The following TMEM165 variants were observed in gnomAD, a reference collection of about 807,000 sequenced individuals.
TMEM165 encodes putative divalent cation/proton antiporter TMEM165.
In TMEM165, 19 loss-of-function variants were observed where a neutral mutation model predicts 30.0. The observed-to-expected ratio is 0.63, with a 90% CI of 0.44 to 0.93. The LOEUF is 0.93. Among genes scored for constraint, TMEM165 ranks in the 40% least tolerant of loss-of-function variants. TMEM165 has a pLI of 0.00. For synonymous variants in TMEM165, 168 were observed against 162.9 expected, an observed-to-expected ratio of 1.03 and a Z score of -0.24; for missense variants, 340 against 417.0, an observed-to-expected ratio of 0.82 and a Z score of 1.61.
intron 4 of TMEM165, 197 bp from the exon 5 acceptor site, chr4:55,424,341 C>G: frequency 1.9e-6 from 1 of 521,370 alleles, no homozygotes; most frequent in Non-Finnish European, 3.4e-6. Flanking sequence ...ACTTTTAGGT[C>G]TAGTCTTAAG....
chr4:55,412,462 A>G (rs1578236813), intron 2 of TMEM165, among the ~76,000 whole-genome samples: 2 of 151,400 alleles, frequency 1.3e-5, no homozygotes, highest in African/African-American at 4.8e-5. Flanking sequence ...GTGACTCTAA[A>G]TACCATTAGT....
chr4:55,438,262 T>C (rs367600679), intron 3 of TMEM165: 2 of 1,613,850 alleles, frequency 1.2e-6, no homozygotes, highest in Non-Finnish European at 1.7e-6. Flanking sequence ...TTGAAGCAGC[T>C]TCCCCATGGG....
At chr4:55,420,320 C>T (rs755269397) in intron 4 of TMEM165, among the ~76,000 whole-genome samples, 7 of 150,834 alleles carry the variant, frequency 4.6e-5, no homozygotes, top group Non-Finnish European at 8.9e-5. Flanking sequence ...TTTCTCTCTA[C>T]TCTGTGGCAT....
downstream of TMEM165, among the ~76,000 whole-genome samples, chr4:55,427,477 G>C (rs1722271769): frequency 6.6e-6 from 1 of 151,528 alleles, no homozygotes; most frequent in Non-Finnish European, 1.5e-5. Flanking sequence ...CAAGTTGCAG[G>C]GATTATAGGT....
At chr4:55,400,347 TATTATATTAATATAATTA>T (rs1720939372) in intron 1 of TMEM165, among the ~76,000 whole-genome samples, 1 of 88,150 alleles carries the variant, frequency 1.1e-5, no homozygotes, top group African/African-American at 3.9e-5. Context: ...ATATTAATTA[TATTATATTAATATAATTA>T]ATTATATTAA....
intron 3 of TMEM165, chr4:55,448,843 G>A (rs1724171257): frequency 6.2e-7 from 1 of 1,613,804 alleles, no homozygotes; most frequent in Non-Finnish European, 8.5e-7. Flanking sequence ...TGTTAATGAT[G>A]AACCAACAGA....
chr4:55,441,815 T>C (rs1381731586), intron 3 of TMEM165, among the ~76,000 whole-genome samples: 1 of 152,160 alleles, frequency 6.6e-6, no homozygotes, highest in Non-Finnish European at 1.5e-5. Context: ...TTATAGATGG[T>C]TGTTTTTCCA....
chr4:55,442,820 A>G (rs191746954), intron 3 of TMEM165, among the ~76,000 whole-genome samples: 35 of 152,260 alleles, frequency 2.3e-4, no homozygotes, highest in Non-Finnish European at 4.4e-4. Context: ...TTAGTCTTGA[A>G]TATCTTGCTG....
chr4:55,429,625 A>G (rs1722381515), downstream of TMEM165: 1 of 152,214 alleles, frequency 6.6e-6, no homozygotes, highest in Admixed American at 6.5e-5. Context: ...GACAGCCATT[A>G]AAAGATGCTA....
chr4:55,447,910 T>C lies in TMEM165; in HGVS notation c.409-4329T>C, dbSNP rs1400201373. 3.9e-5 allele frequency among the ~76,000 whole-genome samples: 6 copies of C among 152,336 alleles called. No homozygotes were observed. The East Asian group carries it at 1.2e-3, about 29-fold the overall frequency. ...TTCTCCATAGTATTTTTAATGTGTT[T>C]GAGGCACTGAATGAGTACAGAGTCA... is the stretch of plus-strand genomic sequence containing the variant. On this transcript the variant is annotated intron_variant, in intron 3 of 3. Transcript: ENST00000608091.
chr4:55,447,533 G>A (rs1364007200), intron 3 of TMEM165, among the ~76,000 whole-genome samples: 1 of 152,122 alleles, frequency 6.6e-6, no homozygotes, highest in African/African-American at 2.4e-5. Flanking sequence ...ATAACAGGAA[G>A]TAAAACCACA....
At chr4:55,446,106 T>A (rs1192520230) in intron 3 of TMEM165, among the ~76,000 whole-genome samples, 1 of 148,860 alleles carries the variant, frequency 6.7e-6, no homozygotes, top group African/African-American at 2.5e-5. Flanking sequence ...AACTTCTTTT[T>A]TTTTTTTTTT....
At chr4:55,403,518 T>TCAC (rs1721133098) in intron 1 of TMEM165, among the ~76,000 whole-genome samples, 1 of 145,822 alleles carries the variant, frequency 6.9e-6, no homozygotes, top group African/African-American at 2.5e-5. Flanking sequence ...TTTTTACAAT[T>TCAC]TTTACATTTG....
At chr4:55,420,936 G>T (rs373369331) in intron 4 of TMEM165, among the ~76,000 whole-genome samples, 1 of 151,734 alleles carries the variant, frequency 6.6e-6, no homozygotes, top group Non-Finnish European at 1.5e-5. Context: ...GGTGGCTCAC[G>T]CGTTTAATCC....
chr4:55,444,834 C>T (rs775521266), intron 3 of TMEM165: 1 of 1,570,612 alleles, frequency 6.4e-7, no homozygotes, highest in Admixed American at 1.8e-5. Flanking sequence ...GAATTACTTA[C>T]TCCTTATAAT....
chr4:55,413,015 T>C (rs950798166), intron 2 of TMEM165, among the ~76,000 whole-genome samples: 3 of 152,068 alleles, frequency 2.0e-5, no homozygotes, highest in African/African-American at 7.2e-5. Flanking sequence ...AGTCTTGCTC[T>C]ATCACTCAGG....
At chr4:55,436,353 C>T (rs557992318) in intron 3 of TMEM165, among the ~76,000 whole-genome samples, 1 of 152,260 alleles carries the variant, frequency 6.6e-6, no homozygotes, top group African/African-American at 2.4e-5. Context: ...CTGCCATTTA[C>T]ATAAGTAAGC....
At chr4:55,405,617 A>G (rs775362977) in intron 1 of TMEM165, among the ~76,000 whole-genome samples, 12 of 152,116 alleles carry the variant, frequency 7.9e-5, no homozygotes, top group Non-Finnish European at 5.9e-5. Context: ...AAACCTCACC[A>G]CCATCTTTGA....
intron 3 of TMEM165, among the ~76,000 whole-genome samples, chr4:55,450,605 C>T (rs6837810): frequency 0.026 from 4,012 of 151,926 alleles, 180 homozygotes; most frequent in African/African-American, 0.093. Flanking sequence ...CCGTCTCTAC[C>T]AAAAATACAA....
Sources: gnomAD v4.1 joint callset for allele counts (sites outside exome capture counted in the v4.1 genomes callset) on GRCh38, gnomAD v4.1.1 for gene constraint, MANE v1.5 for transcripts, NCBI Gene and HGNC (gene_info 2026-07-23, HGNC 2026-07-21) for gene names.